Variants in HAND1 observed in about 807,000 individuals in gnomAD.
HAND1 encodes the protein heart and neural crest derivatives expressed 1.
In HAND1, 10 loss-of-function variants were observed where a neutral mutation model predicts 14.5. That is an observed-to-expected ratio of 0.69 (90% CI 0.42 to 1.17). HAND1 has a LOEUF of 1.17. Ranked by LOEUF, HAND1 falls within the 50% of genes most tolerant of loss-of-function variation. The pLI is 0.00. For missense variants in HAND1, 299 were observed against 298.4 expected, an observed-to-expected ratio of 1.00 and a Z score of -0.01; for synonymous variants, 128 against 127.1, an observed-to-expected ratio of 1.01 and a Z score of -0.05.
At position 154,477,982 on chromosome 5, in the gene HAND1, G is replaced by A. The variant is rs1257146868; in HGVS notation, c.27C>T (p.His9=). 16 of 1,598,186 alleles carry A rather than the reference G, an allele frequency of 1.0e-5. No individual in the cohort carries two copies. In the East Asian group the frequency reaches 3.6e-4, roughly 36 times the overall value. ...GGTGCGGGTGGTGATGGTGGTGATG[G>A]TGTGCGTAGCTGCCCACGAGGTTCA... is the stretch of plus-strand genomic sequence containing the variant. The part of the protein sequence containing the change: MNLVGSYA[H]HHHHHHPHPA... The change falls in exon 1 of 2, where the codon CAC becomes CAT. Residue 9 remains histidine, a synonymous_variant. Coordinates refer to ENST00000231121, the MANE Select transcript of HAND1 (RefSeq NM_004821.3).
intron 1 of HAND1, among the ~76,000 whole-genome samples, chr5:154,476,917 T>C (rs993115225): frequency 2.6e-5 from 4 of 152,180 alleles, no homozygotes; most frequent in African/African-American, 9.7e-5. Flanking sequence ...GAACTGGCCC[T>C]GGACTGAGTA....
Position 154,475,643 on chromosome 5 carries a change from G to T in HAND1, c.*163C>A. ...AAAGGACATTGCACGTGCGATCCAA[G>T]TGTGTGGTTGCAGCCGACGACCTGC... is the stretch of plus-strand genomic sequence containing the variant. On this transcript the variant is annotated 3_prime_UTR_variant, in exon 2 of 2. Transcript: ENST00000231121. 1 of 653,562 alleles carries T rather than the reference G, an allele frequency of 1.5e-6. No homozygotes were observed. The allele number at this position is 653,562 out of a possible 1,614,324, so 40.5% of individuals were successfully genotyped here.
Position 154,477,778 on chromosome 5 carries a change from C to A in HAND1, c.231G>T (p.Arg77Ser), listed in dbSNP as rs1373952727. 1.9e-6 allele frequency: 3 copies of A among 1,601,882 alleles called. No homozygotes were observed. Among genetic ancestry groups the A allele is most frequent in the Non-Finnish European group, 2.5e-6 (3 of 1,176,698 alleles). The change falls in exon 1 of 2, where the codon AGG becomes AGT. Residue 77 changes from arginine (R) to serine (S), a missense_variant. Arg to Ser is a moderately radical substitution (Grantham distance 110, BLOSUM62 -1). Coordinates refer to ENST00000231121, the MANE Select transcript of HAND1 (RefSeq NM_004821.3). ...AAATAYGPDARPGQSPGRLEA... is the reference protein window; with the variant it reads ...AAATAYGPDASPGQSPGRLEA... The stretch of plus-strand genomic sequence containing the variant: ...CCAGCCGCCCGGGGCTCTGCCCAGG[C>A]CTGGCGTCAGGACCATAGGCGGTGG...
chr5:154,478,039 C>T lies in HAND1; in HGVS notation c.-31G>A, dbSNP rs1395669524. Reference sequence around the variant, plus strand: ...AGCGGCTACTGGCCTGCGCCGCCAGCCCTATTAACGCCGCTCCATGCGCCC... The same window carrying T: ...AGCGGCTACTGGCCTGCGCCGCCAGTCCTATTAACGCCGCTCCATGCGCCC... On this transcript the variant is annotated 5_prime_UTR_variant, in exon 1 of 2. Coordinates refer to ENST00000231121, the MANE Select transcript of HAND1 (RefSeq NM_004821.3). This position sits in a 1 kb window ranked among gnomAD's most constrained non-coding sequence, Gnocchi z 4.5. 6 of 1,596,392 alleles carry T rather than the reference C, an allele frequency of 3.8e-6. No homozygotes were observed. Among genetic ancestry groups the T allele is most frequent in the Non-Finnish European group, 5.1e-6 (6 of 1,179,684 alleles).
At position 154,477,660 on chromosome 5, in the gene HAND1, A is replaced by G. The variant is rs1757567561; in HGVS notation, c.349T>C (p.Leu117=). Residue 117 remains leucine, a synonymous_variant, in exon 1 of 2, where the codon TTG becomes CTG. Transcript: ENST00000231121. ...TESINSAFAE[L]RECIPNVPAD... ...GGCACGTTGGGGATGCACTCGCGCA[A>G]CTCCGCGAATGCGCTGTTAATGCTC... The G allele has an allele frequency of 6.2e-7, 1 of 1,613,810 alleles. No homozygotes were observed. The highest frequency in any genetic ancestry group is 1.3e-5 in the African/African-American group (1 of 74,846).
At chr5:154,476,014 G>C (rs1012543390) in intron 1 of HAND1, 104 bp from the exon 2 acceptor site, 3 of 829,496 alleles carry the variant, frequency 3.6e-6, no homozygotes, top group Non-Finnish European at 6.2e-6. Context: ...GGAAGGTGTC[G>C]GGAGCAGTAA....
Position 154,477,899 on chromosome 5 carries a change from T to TG in HAND1, c.109dup (p.Gln37ProfsTer15). ...CCAGCTCTGGAAGTAGGGCCTTTCC[T>TG]GATGACAGCGCGAGGCCGGACCGAA... On this transcript the variant is annotated frameshift_variant, in exon 1 of 2. Transcript: ENST00000231121. LOFTEE classifies it high-confidence loss of function. 6.2e-7 allele frequency: 1 copy of TG among 1,600,098 alleles called. No individual in the cohort carries two copies. Among genetic ancestry groups the TG allele is most frequent in the Non-Finnish European group, 8.5e-7 (1 of 1,179,812 alleles).
rs1389429025 is a variant in HAND1, at chr5:154,477,942, G to C, written c.67C>G (p.Leu23Val). 6.3e-7 allele frequency: 1 copy of C among 1,598,622 alleles called. No individual in the cohort carries two copies. Among genetic ancestry groups the C allele is most frequent in the Admixed American group, 1.7e-5 (1 of 60,028 alleles). Residue 23 changes from leucine (L) to valine (V), a missense_variant, in exon 1 of 2, where the codon CTC (leucine) becomes GTC (valine). Leu to Val is a conservative substitution (Grantham distance 32). Coordinates refer to ENST00000231121, the MANE Select transcript of HAND1 (RefSeq NM_004821.3). ...HHHPHPAHPM[L>V]HEPFLFGPAS... ...GGACCGAAGAGGAAGGGTTCGTGGA[G>C]CATGGGGTGCGCAGGGTGCGGGTGG...
At chr5:154,475,950 A>G in intron 1 of HAND1, 40 bp from the exon 2 acceptor site, 1 of 1,537,814 alleles carries the variant, frequency 6.5e-7, no homozygotes, top group Non-Finnish European at 9.0e-7. Context: ...CGGGAGAGAC[A>G]GGTTTTAATT....
At position 154,477,396 on chromosome 5, in the gene HAND1, T is replaced by C. The variant is rs112556829; in HGVS notation, c.543+70A>G. On this transcript the variant is annotated intron_variant, in intron 1 of 1. Coordinates refer to ENST00000231121, the MANE Select transcript of HAND1 (RefSeq NM_004821.3). ...ACAGGACAACACAGCCTCCTTCGACTACCTGCATGGCCTGAGGCTGCTCAC... is the reference window on the plus strand; with the variant it reads ...ACAGGACAACACAGCCTCCTTCGACCACCTGCATGGCCTGAGGCTGCTCAC... 3.8e-3 allele frequency: 4,569 copies of C among 1,217,788 alleles called. 99 individuals carry two copies. In the African/African-American group the frequency reaches 0.058, roughly 15 times the overall value. The allele number at this position is 1,217,788 out of a possible 1,614,324, so 75.4% of individuals were successfully genotyped here.
At position 154,477,962 on chromosome 5, in the gene HAND1, G is replaced by A; in HGVS notation, c.47C>T (p.Pro16Leu). 3 of 1,598,316 alleles carry A rather than the reference G, an allele frequency of 1.9e-6. No homozygotes were observed. Among genetic ancestry groups the A allele is most frequent in the Non-Finnish European group, 1.7e-6 (2 of 1,179,862 alleles). The change falls in exon 1 of 2, where the codon CCG (proline) becomes CTG (leucine). Residue 16 changes from proline to leucine, a missense_variant. By Grantham distance (98) the Pro-to-Leu change is moderately conservative (BLOSUM62 -3). Transcript: ENST00000231121. ...GTGGAGCATGGGGTGCGCAGGGTGC[G>A]GGTGGTGATGGTGGTGATGGTGTGC... is the stretch of plus-strand genomic sequence containing the variant. ...SYAHHHHHHH[P>L]HPAHPMLHEP...
In HAND1 at chr5:154,477,892, C is replaced by T; in HGVS notation, c.117G>A (p.Arg39=). Residue 39 remains arginine, a synonymous_variant, in exon 1 of 2, where the codon AGG becomes AGA. Coordinates refer to ENST00000231121, the MANE Select transcript of HAND1 (RefSeq NM_004821.3). ...FGPASRCHQE[R]PYFQSWLLSP... ...TCAGCAGCCAGCTCTGGAAGTAGGG[C>T]CTTTCCTGATGACAGCGCGAGGCCG... 3 of 1,600,496 alleles carry T rather than the reference C, an allele frequency of 1.9e-6. No homozygotes were observed. Among genetic ancestry groups the T allele is most frequent in the East Asian group, 2.2e-5 (1 of 44,844 alleles).
chr5:154,477,790 A>C lies in HAND1; in HGVS notation c.219T>G (p.Gly73=), dbSNP rs6880185. 1 of 1,589,098 alleles carries C rather than the reference A, an allele frequency of 6.3e-7. No homozygotes were observed. Among genetic ancestry groups the C allele is most frequent in the Non-Finnish European group, 8.5e-7 (1 of 1,172,906 alleles). ...GGCTCTGCCCAGGCCTGGCGTCAGG[A>C]CCATAGGCGGTGGCGGCTGCAGCGG... is the stretch of plus-strand genomic sequence containing the variant. ...PAAAAAATAY[G]PDARPGQSPG... is the part of the protein sequence containing the mutation. Residue 73 remains glycine (G), a synonymous_variant, in exon 1 of 2, where the codon GGT becomes GGG. Coordinates refer to ENST00000231121, the MANE Select transcript of HAND1 (RefSeq NM_004821.3).
Position 154,475,566 on chromosome 5 carries a change from TG to T in HAND1, c.*239del. The T allele has an allele frequency of 1.8e-6, 1 of 540,556 alleles. No homozygotes were observed. The highest frequency in any genetic ancestry group is 3.3e-6 in the Non-Finnish European group (1 of 299,490). The allele number at this position is 540,556 out of a possible 1,614,324, so 33.5% of individuals were successfully genotyped here. ...CGCCAAGGGCCGCCCTCGGTTGGGC[TG>T]GGGGTGGATATATATATATTTCTCT... On this transcript the variant is annotated 3_prime_UTR_variant, in exon 2 of 2. Coordinates refer to ENST00000231121, the MANE Select transcript of HAND1 (RefSeq NM_004821.3).
rs937967868 is a variant in HAND1 at position 154,478,017 on chromosome 5, G to C, written c.-9C>G. ...CTGCCCACGAGGTTCATGTTGGAGC[G>C]GCTACTGGCCTGCGCCGCCAGCCCT... On this transcript the variant is annotated 5_prime_UTR_variant, in exon 1 of 2. Transcript: ENST00000231121. This position sits in a 1 kb window ranked among gnomAD's most constrained non-coding sequence, Gnocchi z 4.5. The C allele has an allele frequency of 5.0e-6, 8 of 1,597,200 alleles. No homozygotes were observed. Among genetic ancestry groups the C allele is most frequent in the Middle Eastern group, 1.9e-4 (1 of 5,314 alleles).
At position 154,478,071 on chromosome 5, in the gene HAND1, C is replaced by T; in HGVS notation, c.-63G>A. 2 of 1,578,522 alleles carry T rather than the reference C, an allele frequency of 1.3e-6. No homozygotes were observed. The highest frequency in any genetic ancestry group is 1.7e-6 in the Non-Finnish European group (2 of 1,164,758). On this transcript the variant is annotated 5_prime_UTR_variant, in exon 1 of 2. Coordinates refer to ENST00000231121, the MANE Select transcript of HAND1 (RefSeq NM_004821.3). This position sits in a 1 kb window ranked among gnomAD's most constrained non-coding sequence, Gnocchi z 4.5. ...AACGCCGCTCCATGCGCCCCAGAGA[C>T]TGCCGGGGGCCACCTGTGGGCTCTG...
In HAND1 at chr5:154,478,030, C is replaced by T. The variant is rs1188528489; in HGVS notation, c.-22G>A. 6.3e-7 allele frequency: 1 copy of T among 1,596,672 alleles called. No individual in the cohort carries two copies. Among genetic ancestry groups the T allele is most frequent in the East Asian group, 2.2e-5 (1 of 44,860 alleles). On this transcript the variant is annotated 5_prime_UTR_variant, in exon 1 of 2. Transcript: ENST00000231121. The surrounding 1 kb of genome is among the most constrained non-coding windows in gnomAD (Gnocchi z 4.5). The stretch of plus-strand genomic sequence containing the variant: ...TCATGTTGGAGCGGCTACTGGCCTG[C>T]GCCGCCAGCCCTATTAACGCCGCTC...
rs145232171 is a variant in HAND1 at position 154,477,877 on chromosome 5, G to C, written c.132C>G (p.Ser44Arg). ...CAGCGTCAGCCGGGCTCAGCAGCCA[G>C]CTCTGGAAGTAGGGCCTTTCCTGAT... ...RCHQERPYFQ[S>R]WLLSPADAAP... Residue 44 changes from serine to arginine, a missense_variant, in exon 1 of 2, where the codon AGC becomes AGG. Physicochemically the swap from Ser to Arg is moderately radical, Grantham distance 110. Transcript: ENST00000231121. The C allele has an allele frequency of 3.5e-5, 56 of 1,601,156 alleles. No homozygotes were observed. Among genetic ancestry groups the C allele is most frequent in the Non-Finnish European group, 4.7e-5 (55 of 1,179,814 alleles).
In HAND1 at chr5:154,475,560, T is replaced by G; in HGVS notation, c.*246A>C. On this transcript the variant is annotated 3_prime_UTR_variant, in exon 2 of 2. Coordinates refer to ENST00000231121, the MANE Select transcript of HAND1 (RefSeq NM_004821.3). ...TGTTGCCGCCAAGGGCCGCCCTCGG[T>G]TGGGCTGGGGGTGGATATATATATA... is the stretch of plus-strand genomic sequence containing the variant. 5.8e-6 allele frequency: 3 copies of G among 516,512 alleles called. No homozygotes were observed. The highest frequency in any genetic ancestry group is 1.1e-5 in the Non-Finnish European group (3 of 285,106). 32.0% of individuals were successfully genotyped at this position (516,512 alleles called of 1,614,324 possible).
Sources: gnomAD v4.1 joint callset for allele counts (sites outside exome capture counted in the v4.1 genomes callset) on GRCh38, gnomAD v4.1.1 for gene constraint, Gnocchi (gnomAD v3.1) non-coding constraint, MANE v1.5 for transcripts, NCBI Gene and HGNC (gene_info 2026-07-23, HGNC 2026-07-21) for gene names.